The following KCNH8 variants were observed in gnomAD, a reference collection of about 807,000 sequenced individuals.
KCNH8 encodes the protein voltage-gated delayed rectifier potassium channel KCNH8.
A neutral mutation model predicts 103.6 loss-of-function variants in KCNH8; 70 were observed. The ratio of observed to expected loss-of-function variants is 0.68; its 90% CI spans 0.56 to 0.82. The LOEUF (loss-of-function observed/expected upper bound fraction) is 0.82. KCNH8 is among the 40% of genes least tolerant of loss of function. The probability of loss-of-function intolerance (pLI) is 0.00; values close to 1 mark genes in which losing one functional copy is unlikely to be tolerated. For missense variants in KCNH8, 1,217 were observed against 1,329.9 expected (o/e 0.92, Z 1.32); for synonymous variants, 498 against 489.4 (o/e 1.02, Z -0.23).
chr3:19,381,825 T>G (rs1429808467), intron 5 of KCNH8, among the ~76,000 whole-genome samples: 2 of 152,190 alleles, frequency 1.3e-5, no homozygotes, highest in African/African-American at 4.8e-5. Context: ...TGCCAGTGTC[T>G]ATTAAACTAG....
chr3:19,451,483 C>A, intron 10 of KCNH8, 79 bp downstream of exon 10: 2 of 1,295,812 alleles, frequency 1.5e-6, no homozygotes, highest in Non-Finnish European at 1.1e-6. Flanking sequence ...GAAAAAACTG[C>A]TATTGAGAGT....
chr3:19,496,098 C>T (rs1023215954), intron 11 of KCNH8, among the ~76,000 whole-genome samples: 2 of 152,146 alleles, frequency 1.3e-5, no homozygotes, highest in Non-Finnish European at 2.9e-5. Context: ...AGCTTTTGGG[C>T]AGAGACTATG....
At chr3:19,171,512 G>A (rs539728072) in intron 1 of KCNH8, among the ~76,000 whole-genome samples, 1 of 152,094 alleles carries the variant, frequency 6.6e-6, no homozygotes, top group Non-Finnish European at 1.5e-5. Context: ...TGAACATGGT[G>A]GAAGTATGTG....
At chr3:19,510,605 A>T (rs950806081) in intron 12 of KCNH8, among the ~76,000 whole-genome samples, 1 of 152,236 alleles carries the variant, frequency 6.6e-6, no homozygotes, top group Non-Finnish European at 1.5e-5. Flanking sequence ...AGCATTTTAT[A>T]GTTATTGTTA....
intron 1 of KCNH8, among the ~76,000 whole-genome samples, chr3:19,164,131 T>C (rs2063260014): frequency 6.6e-6 from 1 of 152,218 alleles, no homozygotes. Flanking sequence ...AATTTTCATA[T>C]GCTAGAAACA....
chr3:19,361,349 A>G (rs907522523), intron 5 of KCNH8, among the ~76,000 whole-genome samples: 1 of 152,156 alleles, frequency 6.6e-6, no homozygotes, highest in Non-Finnish European at 1.5e-5. Context: ...GTAAAGGGCT[A>G]TCACATTGGG....
chr3:19,486,042 C>G (rs183964796), intron 11 of KCNH8, among the ~76,000 whole-genome samples: 32 of 152,326 alleles, frequency 2.1e-4, no homozygotes, highest in African/African-American at 7.5e-4. Flanking sequence ...GGCTGAAGTG[C>G]CCTGTGGCAA....
At chr3:19,494,008 T>C (rs777479824) in intron 11 of KCNH8, among the ~76,000 whole-genome samples, 3 of 152,156 alleles carry the variant, frequency 2.0e-5, no homozygotes, top group Non-Finnish European at 4.4e-5. Context: ...CTACTCTCAC[T>C]CTTCACCCTC....
chr3:19,196,878 G>T (rs568810952), intron 1 of KCNH8, among the ~76,000 whole-genome samples: 1 of 152,080 alleles, frequency 6.6e-6, no homozygotes, highest in South Asian at 2.1e-4. Flanking sequence ...TTACCAAATA[G>T]GAAATATTAC....
At position 19,450,261 on chromosome 3, in the gene KCNH8, T is replaced by G. The variant is rs1431425788; in HGVS notation, c.1531T>G (p.Phe511Val). ...ACTCAAGCAGAGGATGCTCGAATAT[T>G]TTCAAACAACCTGGTCAGTCAACAA... ...QQLKQRMLEY[F>V]QTTWSVNNGI... Residue 511 changes from phenylalanine to valine, a missense_variant, in exon 9 of 16, where the codon TTT becomes GTT. Coordinates refer to ENST00000328405, the MANE Select transcript of KCNH8 (RefSeq NM_144633.3). 3 of 1,613,636 alleles carry G rather than the reference T, an allele frequency of 1.9e-6. No homozygotes were observed. In the Admixed American group the frequency reaches 5.0e-5, roughly 27 times the overall value.
intron 7 of KCNH8, among the ~76,000 whole-genome samples, chr3:19,423,465 C>CAT (rs1231011732): frequency 6.6e-6 from 1 of 152,006 alleles, no homozygotes; most frequent in Non-Finnish European, 1.5e-5. Flanking sequence ...TCCATTATAT[C>CAT]ATTCTTATGC....
intron 5 of KCNH8, among the ~76,000 whole-genome samples, chr3:19,352,251 C>T (rs2065813566): frequency 6.6e-6 from 1 of 152,156 alleles, no homozygotes. Context: ...TAGAGACATA[C>T]AAAGAGACTT....
intron 1 of KCNH8, among the ~76,000 whole-genome samples, chr3:19,173,121 G>T (rs935032449): frequency 6.6e-6 from 1 of 152,088 alleles, no homozygotes; most frequent in Non-Finnish European, 1.5e-5. Flanking sequence ...CCCAGGCTCT[G>T]TCCAAAAACT....
intron 3 of KCNH8, among the ~76,000 whole-genome samples, chr3:19,338,483 T>C (rs1008817956): frequency 2.0e-5 from 3 of 152,086 alleles, no homozygotes; most frequent in African/African-American, 7.2e-5. Context: ...ATTGTCCTTT[T>C]TGTGGTGAAA....
chr3:19,261,832 A>C (rs1018165159), intron 2 of KCNH8, among the ~76,000 whole-genome samples: 1 of 151,686 alleles, frequency 6.6e-6, no homozygotes, highest in Admixed American at 6.6e-5. Context: ...GTGGAAGTCC[A>C]GTTTTTTTTC....
chr3:19,370,194 T>A (rs949318368), intron 5 of KCNH8, among the ~76,000 whole-genome samples: 1 of 152,082 alleles, frequency 6.6e-6, no homozygotes, highest in Non-Finnish European at 1.5e-5. Context: ...CTGTTTTTTC[T>A]TGGCATTCCC....
intron 11 of KCNH8, among the ~76,000 whole-genome samples, chr3:19,472,944 A>C (rs779791330): frequency 4.6e-5 from 7 of 152,198 alleles, no homozygotes; most frequent in Non-Finnish European, 8.8e-5. Context: ...CAATGTTATT[A>C]AGTATTATGA....
At chr3:19,429,237 G>C (rs1019402418) in intron 7 of KCNH8, among the ~76,000 whole-genome samples, 8 of 144,472 alleles carry the variant, frequency 5.5e-5, no homozygotes, top group Admixed American at 2.2e-4. Flanking sequence ...GCAGTGGCGC[G>C]ATCTCGGCTC....
At chr3:19,222,124 C>T (rs2063882383) in intron 1 of KCNH8, among the ~76,000 whole-genome samples, 1 of 152,200 alleles carries the variant, frequency 6.6e-6, no homozygotes, top group Admixed American at 6.5e-5. Context: ...GCTGGGATTA[C>T]AGGCGTGAGC....
Sources: allele counts gnomAD v4.1 joint callset (sites outside exome capture counted in the v4.1 genomes callset), GRCh38; gene constraint gnomAD v4.1.1; transcripts MANE v1.5; gene names NCBI Gene and HGNC (gene_info 2026-07-23, HGNC 2026-07-21).